FAM186B: variants seen among roughly 807,000 people sequenced by gnomAD.
FAM186B encodes the protein protein FAM186B.
FAM186B carries 68 observed loss-of-function variants against 83.4 expected under a neutral mutation model. The observed-to-expected ratio is 0.81, with a 90% CI of 0.67 to 1.00. The LOEUF (loss-of-function observed/expected upper bound fraction) is 1.00. Ranked by LOEUF, FAM186B falls within the 50% of genes least tolerant of loss-of-function variation. FAM186B has a pLI of 0.00. For missense variants in FAM186B, 983 were observed against 1,099.2 expected (o/e 0.89, Z 1.49); for synonymous variants, 389 against 422.0 (o/e 0.92, Z 0.96).
At chr12:49,605,258 A>G in intron 1 of FAM186B, 124 bp downstream of exon 1, 4 of 1,529,652 alleles carry the variant, frequency 2.6e-6, no homozygotes, top group Non-Finnish European at 3.5e-6. Context: ...CTGCAGACCC[A>G]GGTTGCTGAA....
the FAM186B span, among the ~76,000 whole-genome samples, chr12:49,613,926 A>G: frequency 2.2e-4 from 33 of 151,948 alleles, no homozygotes; most frequent in Admixed American, 6.5e-4. Context: ...TGGTGGGTGG[A>G]TCACCTGAGG....
chr12:49,612,486 A>G, the FAM186B span, among the ~76,000 whole-genome samples: 1 of 151,992 alleles, frequency 6.6e-6, no homozygotes, highest in African/African-American at 2.4e-5. Flanking sequence ...ATGCAGCCCA[A>G]CACAAATTCA....
rs773284841 is a variant in FAM186B, at chr12:49,588,492, CAGAA to C, written c.2492_2495del (p.Phe831CysfsTer35). On this transcript the variant is annotated frameshift_variant, in exon 6 of 7. Coordinates refer to ENST00000257894, the MANE Select transcript of FAM186B (RefSeq NM_032130.3). LOFTEE classifies it low-confidence loss of function (END_TRUNC). ...GGGGCACACATGCCCGGTGCCTAGACAGAAAGGGCTGCTTGTAGGTGGGGCCACT... is the reference window on the plus strand; with the variant it reads ...GGGGCACACATGCCCGGTGCCTAGACAGGGCTGCTTGTAGGTGGGGCCACT... The C allele has an allele frequency of 6.2e-7, 1 of 1,613,492 alleles. No homozygotes were observed. The highest frequency in any genetic ancestry group is 2.2e-5 in the East Asian group (1 of 44,866).
chr12:49,585,551 C>T (rs1295608109), downstream of FAM186B, among the ~76,000 whole-genome samples: 3 of 152,236 alleles, frequency 2.0e-5, no homozygotes, highest in Non-Finnish European at 4.4e-5. Context: ...CTTCTAGCAT[C>T]TCAAACCATG....
chr12:49,587,631 G>T lies in FAM186B; in HGVS notation c.2656C>A (p.Pro886Thr). The change falls in exon 7 of 7, where the codon CCC (proline) becomes ACC (threonine). Residue 886 changes from proline (P) to threonine (T), a missense_variant. By Grantham distance (38) the Pro-to-Thr change is conservative (BLOSUM62 -1). Transcript: ENST00000257894. The part of the protein sequence containing the change: ...RDQLRGHPDI[P>T]RLLTLDV ...TACACGTCCAGTGTCAACAGCCGGGGAATATCTGGGTGTCCCCTCAGCTGG... is the reference window on the plus strand; with the variant it reads ...TACACGTCCAGTGTCAACAGCCGGGTAATATCTGGGTGTCCCCTCAGCTGG... 1 of 1,613,540 alleles carries T rather than the reference G, an allele frequency of 6.2e-7. No homozygotes were observed.
the FAM186B span, chr12:49,619,584 A>G: frequency 1.6e-6 from 1 of 642,652 alleles, no homozygotes; most frequent in Non-Finnish European, 2.9e-6. Flanking sequence ...CATTCCATGT[A>G]TCGGGAATTC....
chr12:49,596,215 A>G (rs1371782177), intron 5 of FAM186B, among the ~76,000 whole-genome samples: 2 of 152,022 alleles, frequency 1.3e-5, no homozygotes, highest in African/African-American at 2.4e-5. Flanking sequence ...CTTTTTTTTA[A>G]TAAGCCTTGT....
At chr12:49,617,270 C>T in the FAM186B span, among the ~76,000 whole-genome samples, 1 of 152,228 alleles carries the variant, frequency 6.6e-6, no homozygotes, top group African/African-American at 2.4e-5. Context: ...TTTGGCTGGA[C>T]ATGGTGGCTC....
At chr12:49,585,630 C>T (rs17123808), downstream of FAM186B, among the ~76,000 whole-genome samples, 33,748 of 152,106 alleles carry the variant, frequency 0.22, 6,014 homozygotes, top group African/African-American at 0.5. Flanking sequence ...ATGAACAGGC[C>T]GTCAGTGCTA....
At chr12:49,594,814 G>A (rs573022389) in intron 5 of FAM186B, among the ~76,000 whole-genome samples, 1 of 152,050 alleles carries the variant, frequency 6.6e-6, no homozygotes, top group Admixed American at 6.5e-5. Flanking sequence ...GGTGGAGGTT[G>A]CAGTGAGCCA....
chr12:49,584,422 C>T (rs1019273785), downstream of FAM186B: 9 of 689,656 alleles, frequency 1.3e-5, no homozygotes, highest in Admixed American at 6.1e-5. Flanking sequence ...TGCATTTTGA[C>T]CAAGTTCTCT....
intron 1 of FAM186B, 31 bp from the exon 2 acceptor site, chr12:49,604,569 G>A: frequency 6.3e-7 from 1 of 1,594,196 alleles, no homozygotes; most frequent in Non-Finnish European, 8.6e-7. Flanking sequence ...GTAGTGTTAG[G>A]GCTGTGGACT....
the FAM186B span, among the ~76,000 whole-genome samples, chr12:49,611,794 G>A: frequency 3.8e-4 from 55 of 143,014 alleles, 1 homozygote; most frequent in Non-Finnish European, 7.8e-4. Context: ...GGGAGGCGGA[G>A]GTGGCAGTGA....
rs1479784957 is a variant in FAM186B, at chr12:49,600,141, C to G, written c.1499G>C (p.Trp500Ser). The G allele has an allele frequency of 6.2e-7, 1 of 1,613,826 alleles. No homozygotes were observed. The highest frequency in any genetic ancestry group is 8.5e-7 in the Non-Finnish European group (1 of 1,179,850). Residue 500 changes from tryptophan to serine, a missense_variant, in exon 4 of 7, where the codon TGG becomes TCG. Trp to Ser is a radical substitution (Grantham distance 177). Coordinates refer to ENST00000257894, the MANE Select transcript of FAM186B (RefSeq NM_032130.3). This position sits in a 1 kb window ranked among gnomAD's most constrained non-coding sequence, Gnocchi z 4.3. ...RQLWLEEEEM[W>S]QQRQKKWALL... The stretch of plus-strand genomic sequence containing the variant: ...GGCCCACTTCTTCTGCCGCTGCTGC[C>G]ACATCTCCTCCTCCTCCAGCCACAG...
In FAM186B at chr12:49,598,791, T is replaced by G; in HGVS notation, c.2328A>C (p.Arg776=). ...DKQKGLEEKH[R]ECLSSMVTMF... ...TGGTCACCATGCTGCTCAGGCACTC[T>G]CGGTGCTTCTCCTCCAGCCCCTTCT... The change falls in exon 5 of 7, where the codon CGA becomes CGC. Residue 776 remains arginine, a synonymous_variant. Coordinates refer to ENST00000257894, the MANE Select transcript of FAM186B (RefSeq NM_032130.3). The G allele has an allele frequency of 1.2e-6, 2 of 1,611,828 alleles. No homozygotes were observed. Among genetic ancestry groups the G allele is most frequent in the Non-Finnish European group, 8.5e-7 (1 of 1,179,672 alleles).
At position 49,605,531 on chromosome 12, in the gene FAM186B, G is replaced by T; in HGVS notation, c.-54C>A. 1 of 1,570,056 alleles carries T rather than the reference G, an allele frequency of 6.4e-7. No individual in the cohort carries two copies. Among genetic ancestry groups the T allele is most frequent in the South Asian group, 1.2e-5 (1 of 84,746 alleles). The stretch of plus-strand genomic sequence containing the variant: ...TCCTGTGTTTCTGGTCCACAGGCCT[G>T]GACACACAATGTTGCCTGCTTTGGA... On this transcript the variant is annotated 5_prime_UTR_variant, in exon 1 of 7. Coordinates refer to ENST00000257894, the MANE Select transcript of FAM186B (RefSeq NM_032130.3).
rs757179437 is a variant in FAM186B, at chr12:49,592,751, A to G, written c.2365-4128T>C. Among the ~76,000 whole-genome samples, 8 of 152,274 alleles carry G rather than the reference A, an allele frequency of 5.3e-5. No individual in the cohort carries two copies. In the South Asian group the frequency reaches 6.2e-4, roughly 12 times the overall value. ...TGGTGAGCTGAGATCGCACCACCACACTCCAGCTTAGGAGAGAGAGAAAGA... is the reference window on the plus strand; with the variant it reads ...TGGTGAGCTGAGATCGCACCACCACGCTCCAGCTTAGGAGAGAGAGAAAGA... On this transcript the variant is annotated intron_variant, in intron 5 of 6. Transcript: ENST00000257894.
At chr12:49,620,759 G>A in the FAM186B span, among the ~76,000 whole-genome samples, 21 of 152,166 alleles carry the variant, frequency 1.4e-4, no homozygotes, top group Admixed American at 1.3e-3. Flanking sequence ...TCTTGAAACA[G>A]AAACATGTAT....
downstream of FAM186B, chr12:49,583,140 G>A (rs1008234483): frequency 2.2e-6 from 1 of 446,194 alleles, no homozygotes; most frequent in African/African-American, 2.0e-5. Flanking sequence ...TGAAAATATG[G>A]GTGCCAAAAT....
Sources: allele counts gnomAD v4.1 joint callset (sites outside exome capture counted in the v4.1 genomes callset), GRCh38; gene constraint gnomAD v4.1.1; non-coding constraint Gnocchi (gnomAD v3.1); transcripts MANE v1.5; gene names NCBI Gene and HGNC (gene_info 2026-07-23, HGNC 2026-07-21).